CTNNBL1: variants seen among roughly 807,000 people sequenced by gnomAD.
CTNNBL1 encodes the protein catenin beta like 1.
In CTNNBL1, 31 loss-of-function variants were observed where a neutral mutation model predicts 72.7. The ratio of observed to expected loss-of-function variants is 0.43; its 90% CI spans 0.32 to 0.58. The LOEUF (loss-of-function observed/expected upper bound fraction) is 0.58. Among genes scored for constraint, CTNNBL1 ranks in the 20% least tolerant of loss-of-function variants. The pLI is 0.08. For synonymous variants in CTNNBL1, 240 were observed against 267.3 expected (o/e 0.90, Z 1.00); for missense variants, 534 against 725.1 (o/e 0.74, Z 3.03).
At chr20:37,845,374 G>A (rs113393064) in intron 13 of CTNNBL1, among the ~76,000 whole-genome samples, 3 of 152,202 alleles carry the variant, frequency 2.0e-5, no homozygotes, top group Non-Finnish European at 2.9e-5. Flanking sequence ...GAGAGTAATC[G>A]CTGCAGCCAC....
Position 37,860,255 on chromosome 20 carries a change from A to AT in CTNNBL1, c.1531-11dup, listed in dbSNP as rs1180159291. The AT allele has an allele frequency of 6.2e-7, 1 of 1,611,226 alleles. No individual in the cohort carries two copies. Among genetic ancestry groups the AT allele is most frequent in the Non-Finnish European group, 8.5e-7 (1 of 1,177,612 alleles). On this transcript the variant is annotated splice_polypyrimidine_tract_variant and intron_variant, in intron 14 of 15. Transcript: ENST00000361383. The stretch of plus-strand genomic sequence containing the variant: ...AATGGTTGTCTTTCTTTCTCTACCC[A>AT]TTTTTTCCCTTATTAGATTCGCCAG...
intron 1 of CTNNBL1, among the ~76,000 whole-genome samples, chr20:37,718,353 G>A (rs1231227122): frequency 1.4e-5 from 2 of 141,792 alleles, no homozygotes; most frequent in Admixed American, 6.8e-5. Flanking sequence ...CTTCCCAGTA[G>A]GGGCGGCCGG....
At chr20:37,757,527 AG>A (rs778984893) in intron 4 of CTNNBL1, 31 bp from the exon 5 acceptor site, 1 of 1,478,926 alleles carries the variant, frequency 6.8e-7, no homozygotes, top group Non-Finnish European at 9.4e-7. Flanking sequence ...GTACCGTTTC[AG>A]TATGTGTGTT....
chr20:37,855,319 C>A (rs1485699235), intron 13 of CTNNBL1, among the ~76,000 whole-genome samples: 2 of 152,122 alleles, frequency 1.3e-5, no homozygotes, highest in Admixed American at 6.5e-5. Flanking sequence ...CCCCACCCCC[C>A]AAATAGACTT....
At chr20:37,865,978 G>A (rs1041477474) in intron 15 of CTNNBL1, among the ~76,000 whole-genome samples, 1 of 152,220 alleles carries the variant, frequency 6.6e-6, no homozygotes, top group Non-Finnish European at 1.5e-5. Context: ...TTGATTTGGG[G>A]CTCTTGGTAA....
At chr20:37,718,637 G>A (rs1287983499) in intron 1 of CTNNBL1, among the ~76,000 whole-genome samples, 1 of 152,208 alleles carries the variant, frequency 6.6e-6, no homozygotes, top group African/African-American at 2.4e-5. Flanking sequence ...CCAGGCGGGG[G>A]GCTGACCACC....
At chr20:37,733,595 G>C (rs1486488218) in intron 2 of CTNNBL1, among the ~76,000 whole-genome samples, 3 of 152,058 alleles carry the variant, frequency 2.0e-5, no homozygotes, top group Non-Finnish European at 2.9e-5. Flanking sequence ...CTGGACCTTT[G>C]GACTTCTGTG....
chr20:37,698,596 A>G (rs940993398), intron 1 of CTNNBL1, among the ~76,000 whole-genome samples: 1 of 152,160 alleles, frequency 6.6e-6, no homozygotes, highest in Non-Finnish European at 1.5e-5. Context: ...CCTTATTTCC[A>G]ACTCTGTACA....
chr20:37,730,401 G>A (rs2073119003), intron 1 of CTNNBL1, among the ~76,000 whole-genome samples: 2 of 152,224 alleles, frequency 1.3e-5, no homozygotes, highest in East Asian at 1.9e-4. Context: ...ATGATTTTAT[G>A]TATTTGTTTA....
At chr20:37,718,181 C>T (rs931827878) in intron 1 of CTNNBL1, among the ~76,000 whole-genome samples, 7 of 151,234 alleles carry the variant, frequency 4.6e-5, no homozygotes, top group African/African-American at 7.4e-5. Context: ...CCAGTAGGGG[C>T]GGCCGGGCAG....
chr20:37,839,496 G>T (rs182471028), intron 11 of CTNNBL1, among the ~76,000 whole-genome samples: 1 of 152,312 alleles, frequency 6.6e-6, no homozygotes, highest in Non-Finnish European at 1.5e-5. Context: ...AAGAGTAGAA[G>T]AATAGTATTT....
chr20:37,777,412 A>G lies in CTNNBL1; in HGVS notation c.818A>G (p.Asn273Ser), dbSNP rs137951659. 9.5e-5 allele frequency: 153 copies of G among 1,613,868 alleles called. No homozygotes were observed. The highest frequency in any genetic ancestry group is 7.2e-4 in the South Asian group (66 of 91,068). The change falls in exon 8 of 16, where the codon AAT becomes AGT. Residue 273 changes from asparagine (N) to serine (S), a missense_variant. Physicochemically the swap from Asn to Ser is conservative, Grantham distance 46 (BLOSUM62 1). Transcript: ENST00000361383. ...SEVLAILLQD[N>S]DENRELLGEL... ...GTGCTGGCCATATTGCTCCAGGACA[A>G]TGATGGTGAGGCGCCCTCTCAGTAT...
chr20:37,840,945 G>T (rs2072299126), intron 12 of CTNNBL1, among the ~76,000 whole-genome samples: 1 of 152,166 alleles, frequency 6.6e-6, no homozygotes, highest in South Asian at 2.1e-4. Flanking sequence ...ACATTAGATG[G>T]ATTGGGCTAT....
At chr20:37,725,107 A>G (rs1272643725) in intron 1 of CTNNBL1, among the ~76,000 whole-genome samples, 2 of 151,716 alleles carry the variant, frequency 1.3e-5, no homozygotes, top group Non-Finnish European at 1.5e-5. Context: ...GGTCCTCACT[A>G]TGTTGCTCAG....
Position 37,777,443 on chromosome 20 carries a change from T to C in CTNNBL1, c.823+26T>C, listed in dbSNP as rs780599436. The C allele has an allele frequency of 2.1e-5, 33 of 1,607,756 alleles. No homozygotes were observed. In the Admixed American group the frequency reaches 4.0e-4, roughly 19 times the overall value. ...GTGAGGCGCCCTCTCAGTATTGATATTCTGTTAGGATAGGAGCCAGGCTTG... is the reference window on the plus strand; with the variant it reads ...GTGAGGCGCCCTCTCAGTATTGATACTCTGTTAGGATAGGAGCCAGGCTTG... On this transcript the variant is annotated intron_variant, in intron 8 of 15. Coordinates refer to ENST00000361383, the MANE Select transcript of CTNNBL1 (RefSeq NM_030877.5).
chr20:37,842,812 C>A (rs56998341), intron 13 of CTNNBL1, among the ~76,000 whole-genome samples: 1 of 152,164 alleles, frequency 6.6e-6, no homozygotes, highest in Non-Finnish European at 1.5e-5. Context: ...GTGATCACAG[C>A]GTAGAGGAGC....
intron 2 of CTNNBL1, among the ~76,000 whole-genome samples, chr20:37,736,226 T>C (rs952344224): frequency 1.3e-5 from 2 of 152,102 alleles, no homozygotes; most frequent in Non-Finnish European, 2.9e-5. Flanking sequence ...CAAAGTAATA[T>C]ATAAGAAATG....
chr20:37,776,066 A>C (rs1195590958), intron 7 of CTNNBL1, among the ~76,000 whole-genome samples: 1 of 152,240 alleles, frequency 6.6e-6, no homozygotes, highest in African/African-American at 2.4e-5. Flanking sequence ...TTTCGTTAAT[A>C]TGAAACCATT....
At chr20:37,835,097 G>A (rs1380033852) in intron 11 of CTNNBL1, among the ~76,000 whole-genome samples, 2 of 152,198 alleles carry the variant, frequency 1.3e-5, no homozygotes, top group African/African-American at 4.8e-5. Flanking sequence ...ATAAGGGCAG[G>A]CAGTTCAAGA....
Sources: allele counts gnomAD v4.1 joint callset (sites outside exome capture counted in the v4.1 genomes callset), GRCh38; gene constraint gnomAD v4.1.1; transcripts MANE v1.5; gene names NCBI Gene and HGNC (gene_info 2026-07-23, HGNC 2026-07-21).